The following NRDE2 variants were observed in gnomAD, a reference collection of about 807,000 sequenced individuals.
NRDE2 encodes the protein nuclear exosome regulator NRDE2.
In NRDE2, 76 loss-of-function variants were observed where a neutral mutation model predicts 124.2. That is an observed-to-expected ratio of 0.61 (90% CI 0.51 to 0.74). NRDE2 has a LOEUF of 0.74. Among genes scored for constraint, NRDE2 ranks in the 30% least tolerant of loss-of-function variants. NRDE2 has a pLI of 0.00. For missense variants in NRDE2, 1,314 were observed against 1,417.3 expected (o/e 0.93, Z 1.17); for synonymous variants, 489 against 528.1 (o/e 0.93, Z 1.01).
chr14:90,312,671 A>C (rs1263783378), intron 3 of NRDE2, 128 bp from the exon 4 acceptor site: 2 of 828,166 alleles, frequency 2.4e-6, no homozygotes, highest in Non-Finnish European at 3.9e-6. Context: ...ACACCTAAGC[A>C]CATTAAATGT....
rs988218356 is a variant in NRDE2, at chr14:90,276,779, C to T, written c.*1557G>A. On this transcript the variant is annotated 3_prime_UTR_variant, in exon 14 of 14. Coordinates refer to ENST00000354366, the MANE Select transcript of NRDE2 (RefSeq NM_017970.4). ...AGGCCACGCCCTTCTAAGTTCTGAA[C>T]CAGATGAGAAGAGACATGAGTCAGA... 1.3e-5 allele frequency: 2 copies of T among 152,146 alleles called. No individual in the cohort carries two copies. The highest frequency in any genetic ancestry group is 6.6e-5 in the Admixed American group (1 of 15,262). The allele number at this position is 152,146 out of a possible 1,614,324, so 9.4% of individuals were successfully genotyped here.
At position 90,278,466 on chromosome 14, in the gene NRDE2, G is replaced by A; in HGVS notation, c.3370-5C>T. 6.2e-7 allele frequency: 1 copy of A among 1,613,752 alleles called. No homozygotes were observed. Among genetic ancestry groups the A allele is most frequent in the Non-Finnish European group, 8.5e-7 (1 of 1,179,798 alleles). On this transcript the variant is annotated splice_polypyrimidine_tract_variant and splice_region_variant and intron_variant, in intron 13 of 13. Coordinates refer to ENST00000354366, the MANE Select transcript of NRDE2 (RefSeq NM_017970.4). ...CACGGCGTCCAGGTACAACACCTAGGGGGCAGGCAGGAAGGCCGCCCCACT... is the reference window on the plus strand; with the variant it reads ...CACGGCGTCCAGGTACAACACCTAGAGGGCAGGCAGGAAGGCCGCCCCACT...
intron 1 of NRDE2, among the ~76,000 whole-genome samples, chr14:90,328,610 G>C (rs1371373708): frequency 6.6e-6 from 1 of 152,164 alleles, no homozygotes; most frequent in Non-Finnish European, 1.5e-5. Flanking sequence ...GAGAACGTTA[G>C]ACAGGGCATC....
Position 90,272,994 on chromosome 14 carries a change from T to C in NRDE2, c.*5342A>G, listed in dbSNP as rs977566134. The C allele has an allele frequency of 6.6e-6, 1 of 152,202 alleles. No homozygotes were observed. Among genetic ancestry groups the C allele is most frequent in the Non-Finnish European group, 1.5e-5 (1 of 68,046 alleles). The allele number at this position is 152,202 out of a possible 1,614,324, so 9.4% of individuals were successfully genotyped here. A position where few individuals can be genotyped will look rare whatever the true frequency, so the allele number is the denominator to read the frequency against. On this transcript the variant is annotated 3_prime_UTR_variant, in exon 14 of 14. Coordinates refer to ENST00000354366, the MANE Select transcript of NRDE2 (RefSeq NM_017970.4). The surrounding 1 kb of genome is among the most constrained non-coding windows in gnomAD (Gnocchi z 4.5). ...AAGAGACTGAGGATTCCTAGAGATA[T>C]CTTGAAAGCCCTTCTGAGCCCTTGG...
chr14:90,317,798 C>T, intron 2 of NRDE2: 1 of 447,270 alleles, frequency 2.2e-6, no homozygotes. Flanking sequence ...ATTACAGGCA[C>T]TAACTGTGTC....
chr14:90,285,071 G>A (rs1892062828), intron 12 of NRDE2, among the ~76,000 whole-genome samples: 1 of 151,914 alleles, frequency 6.6e-6, no homozygotes, highest in African/African-American at 2.4e-5. Flanking sequence ...TTGAGGTCAG[G>A]ATTTCGAGAC....
At chr14:90,280,139 ACTGT>A (rs1302926661) in intron 12 of NRDE2, 1 of 149,042 alleles carries the variant, frequency 6.7e-6, no homozygotes. Flanking sequence ...TTTTTTTTTC[ACTGT>A]CTATGTTGCC....
intron 1 of NRDE2, among the ~76,000 whole-genome samples, chr14:90,319,030 G>A (rs1042897470): frequency 2.6e-5 from 4 of 152,046 alleles, no homozygotes; most frequent in Admixed American, 1.3e-4. Context: ...ATTATCTCTA[G>A]GTGATTACAT....
At chr14:90,316,331 T>C (rs1885046863) in intron 3 of NRDE2, among the ~76,000 whole-genome samples, 1 of 152,210 alleles carries the variant, frequency 6.6e-6, no homozygotes, top group African/African-American at 2.4e-5. Context: ...ATCTGCCATC[T>C]TTTGAAAATC....
At position 90,331,781 on chromosome 14, in the gene NRDE2, G is replaced by C. The variant is rs985271845; in HGVS notation, c.64+60C>G. 3 of 1,544,964 alleles carry C rather than the reference G, an allele frequency of 1.9e-6. No homozygotes were observed. In the African/African-American group the frequency reaches 4.1e-5, roughly 21 times the overall value. ...ATCCAAAGCAAAAGTCTAGACCTGG[G>C]CCCGAGAAACAGCCTCTTAAGCCCC... On this transcript the variant is annotated intron_variant, in intron 1 of 13. Coordinates refer to ENST00000354366, the MANE Select transcript of NRDE2 (RefSeq NM_017970.4).
intron 8 of NRDE2, among the ~76,000 whole-genome samples, chr14:90,295,003 G>C (rs1004781490): frequency 3.9e-5 from 6 of 152,154 alleles, no homozygotes; most frequent in Non-Finnish European, 7.3e-5. Context: ...CTGCAGTGAT[G>C]AAACAGTCTG....
Position 90,288,610 on chromosome 14 carries a change from G to C in NRDE2, c.2765C>G (p.Ala922Gly). The C allele has an allele frequency of 6.2e-7, 1 of 1,614,148 alleles. No individual in the cohort carries two copies. The highest frequency in any genetic ancestry group is 1.1e-5 in the South Asian group (1 of 91,086). ...LFQYLTIGID[A>G]AVQIYEQVFA... ...CACCTGTTCGTATATCTGCACAGCAGCATCAATCCCTATGGTCAAATACTG... is the reference window on the plus strand; with the variant it reads ...CACCTGTTCGTATATCTGCACAGCACCATCAATCCCTATGGTCAAATACTG... The change falls in exon 11 of 14, where the codon GCT becomes GGT. Residue 922 changes from alanine (A) to glycine (G), a missense_variant. Transcript: ENST00000354366.
intron 3 of NRDE2, among the ~76,000 whole-genome samples, chr14:90,316,089 G>C (rs1885037034): frequency 6.6e-6 from 1 of 151,780 alleles, no homozygotes; most frequent in African/African-American, 2.4e-5. Context: ...AAACAAATAT[G>C]AAAAAGAAAA....
At chr14:90,329,039 G>A (rs1394054008) in intron 1 of NRDE2, among the ~76,000 whole-genome samples, 1 of 152,136 alleles carries the variant, frequency 6.6e-6, no homozygotes, top group Non-Finnish European at 1.5e-5. Context: ...TACAAGAGAT[G>A]ATGCTGTGTT....
chr14:90,297,106 T>C (rs1448764342), intron 8 of NRDE2, among the ~76,000 whole-genome samples: 1 of 140,112 alleles, frequency 7.1e-6, no homozygotes, highest in East Asian at 2.1e-4. Context: ...GCCACTACAC[T>C]CCAGCCTGGG....
intron 5 of NRDE2, 128 bp downstream of exon 5, chr14:90,303,807 T>C (rs970382992): frequency 2.4e-6 from 2 of 834,220 alleles, no homozygotes; most frequent in African/African-American, 3.4e-5. Context: ...AAAGGCTCTA[T>C]TCTAATAATC....
intron 1 of NRDE2, among the ~76,000 whole-genome samples, chr14:90,325,521 G>C (rs1885394067): frequency 6.6e-6 from 1 of 151,970 alleles, no homozygotes; most frequent in South Asian, 2.1e-4. Flanking sequence ...TTAAATCCTG[G>C]CCTCTTTGCT....
intron 1 of NRDE2, among the ~76,000 whole-genome samples, chr14:90,327,583 T>C (rs901957595): frequency 1.3e-5 from 2 of 148,408 alleles, no homozygotes; most frequent in South Asian, 2.1e-4. Flanking sequence ...CTACCTGCAA[T>C]GGATTGAAAT....
chr14:90,319,649 T>TA (rs1885173279), intron 1 of NRDE2, among the ~76,000 whole-genome samples: 1 of 152,246 alleles, frequency 6.6e-6, no homozygotes, highest in South Asian at 2.1e-4. Context: ...ATCCATGCTG[T>TA]AGTGTGTATC....
Sources: gnomAD v4.1 joint callset for allele counts (sites outside exome capture counted in the v4.1 genomes callset) on GRCh38, gnomAD v4.1.1 for gene constraint, Gnocchi (gnomAD v3.1) non-coding constraint, MANE v1.5 for transcripts, NCBI Gene and HGNC (gene_info 2026-07-23, HGNC 2026-07-21) for gene names.